Variants in INSC observed in about 807,000 individuals in gnomAD.
The protein encoded by INSC is INSC spindle orientation adaptor protein, also known as protein inscuteable homolog.
In INSC, 67 loss-of-function variants were observed where a neutral mutation model predicts 58.6. That is an observed-to-expected ratio of 1.14 (90% CI 0.94 to 1.40). The LOEUF (loss-of-function observed/expected upper bound fraction) is 1.40. Among genes scored for constraint, INSC ranks in the 40% most tolerant of loss-of-function variants. The probability of loss-of-function intolerance (pLI) is 0.00; values close to 1 mark genes in which losing one functional copy is unlikely to be tolerated. For missense variants in INSC, 714 were observed against 692.0 expected (o/e 1.03, Z -0.36); for synonymous variants, 262 against 276.1 (o/e 0.95, Z 0.51).
chr11:15,262,882 A>G, the INSC span, among the ~76,000 whole-genome samples: 1 of 152,006 alleles, frequency 6.6e-6, no homozygotes, highest in African/African-American at 2.4e-5. Context: ...GAGGAAAAAA[A>G]TCAGAAGAGC....
intron 1 of INSC, among the ~76,000 whole-genome samples, chr11:15,126,609 C>T (rs996235723): frequency 6.6e-6 from 1 of 152,202 alleles, no homozygotes; most frequent in Admixed American, 6.5e-5. Context: ...GTCTAAGGCA[C>T]TATAGAACAC....
At chr11:15,214,384 G>A (rs1173144706) in intron 7 of INSC, among the ~76,000 whole-genome samples, 1 of 152,126 alleles carries the variant, frequency 6.6e-6, no homozygotes, top group East Asian at 1.9e-4. Context: ...CTGTTTAATT[G>A]TTACAATCCA....
chr11:15,218,625 A>T (rs1589982623), intron 7 of INSC, among the ~76,000 whole-genome samples: 1 of 152,184 alleles, frequency 6.6e-6, no homozygotes, highest in East Asian at 1.9e-4. Flanking sequence ...AGTTACCAAA[A>T]GAGATCTGAA....
At chr11:15,210,548 G>A (rs189860546) in intron 7 of INSC, among the ~76,000 whole-genome samples, 87 of 101,008 alleles carry the variant, frequency 8.6e-4, no homozygotes, top group Middle Eastern at 4.9e-3. Context: ...TGTGTGTGTG[G>A]TGGAGTGGGA....
At chr11:15,201,243 C>A (rs1850579988) in intron 7 of INSC, among the ~76,000 whole-genome samples, 1 of 152,096 alleles carries the variant, frequency 6.6e-6, no homozygotes, top group Non-Finnish European at 1.5e-5. Context: ...TGGTAGGAGG[C>A]AGGCAAGTCA....
At chr11:15,193,539 C>T (rs147907464) in intron 6 of INSC, among the ~76,000 whole-genome samples, 3,965 of 152,218 alleles carry the variant, frequency 0.026, 71 homozygotes, top group East Asian at 0.056. Flanking sequence ...TGAGAACATG[C>T]GGTGTTGGTT....
At chr11:15,121,688 G>A (rs1323965191) in intron 1 of INSC, among the ~76,000 whole-genome samples, 2 of 152,008 alleles carry the variant, frequency 1.3e-5, no homozygotes, top group Non-Finnish European at 2.9e-5. Flanking sequence ...TGATCATTTT[G>A]AATCAATTAT....
At chr11:15,113,107 T>C (rs778633096), upstream of INSC, among the ~76,000 whole-genome samples, 1,133 of 139,980 alleles carry the variant, frequency 8.1e-3, 6 homozygotes, top group Middle Eastern at 0.018. Flanking sequence ...TCTTTCTTTC[T>C]TTTCTCTCTC....
chr11:15,242,708 T>G (rs1301115340), intron 12 of INSC, among the ~76,000 whole-genome samples: 1 of 152,168 alleles, frequency 6.6e-6, no homozygotes, highest in African/African-American at 2.4e-5. Context: ...CTTCCAAGCT[T>G]AGATCTAAAT....
intron 7 of INSC, among the ~76,000 whole-genome samples, chr11:15,215,904 C>G (rs1851199450): frequency 2.0e-5 from 3 of 152,116 alleles, no homozygotes; most frequent in Non-Finnish European, 4.4e-5. Context: ...GGAGGGAAAA[C>G]AGGGAAAATG....
At chr11:15,171,166 T>C (rs1849384149) in intron 2 of INSC, among the ~76,000 whole-genome samples, 1 of 152,114 alleles carries the variant, frequency 6.6e-6, no homozygotes, top group Non-Finnish European at 1.5e-5. Flanking sequence ...GGTTGGTTCT[T>C]TCCTTTCCAG....
chr11:15,242,937 A>T (rs1852413917), intron 12 of INSC, among the ~76,000 whole-genome samples: 1 of 152,160 alleles, frequency 6.6e-6, no homozygotes, highest in Non-Finnish European at 1.5e-5. Context: ...ATCTTGTTCC[A>T]AGCCATGCTC....
chr11:15,148,966 C>T (rs1278191977), intron 1 of INSC, 164 bp from the exon 2 acceptor site: 2 of 735,124 alleles, frequency 2.7e-6, no homozygotes, highest in African/African-American at 3.7e-5. Flanking sequence ...TTCTGCCTTA[C>T]TTGTGTGAGG....
intron 6 of INSC, among the ~76,000 whole-genome samples, chr11:15,196,405 T>C (rs1406647456): frequency 6.6e-6 from 1 of 152,242 alleles, no homozygotes; most frequent in Non-Finnish European, 1.5e-5. Flanking sequence ...TGTCCAGCTC[T>C]GGAGTAGGTG....
chr11:15,254,934 T>A, the INSC span, among the ~76,000 whole-genome samples: 1 of 152,228 alleles, frequency 6.6e-6, no homozygotes, highest in Non-Finnish European at 1.5e-5. Flanking sequence ...ACTATTACCA[T>A]AGTTGCCATT....
At chr11:15,223,069 G>T (rs966525981) in intron 8 of INSC, among the ~76,000 whole-genome samples, 3 of 152,202 alleles carry the variant, frequency 2.0e-5, no homozygotes, top group African/African-American at 7.2e-5. Flanking sequence ...AAGAATAAAG[G>T]TGTTTGAGTC....
At chr11:15,205,931 G>A (rs1335427487) in intron 7 of INSC, among the ~76,000 whole-genome samples, 1 of 152,146 alleles carries the variant, frequency 6.6e-6, no homozygotes, top group Non-Finnish European at 1.5e-5. Flanking sequence ...AGGGATGGAG[G>A]CAAGATGCCA....
intron 2 of INSC, among the ~76,000 whole-genome samples, chr11:15,160,104 G>GT (rs1029501991): frequency 6.6e-6 from 1 of 152,124 alleles, no homozygotes; most frequent in Non-Finnish European, 1.5e-5. Context: ...CATCATCTAG[G>GT]GGGTAAGGCA....
the INSC span, among the ~76,000 whole-genome samples, chr11:15,267,667 T>C: frequency 6.6e-6 from 1 of 151,998 alleles, no homozygotes; most frequent in Admixed American, 6.6e-5. Flanking sequence ...CTTGAAGATA[T>C]AGTGTATATT....
Sources: gnomAD v4.1 joint callset for allele counts (sites outside exome capture counted in the v4.1 genomes callset) on GRCh38, gnomAD v4.1.1 for gene constraint, MANE v1.5 for transcripts, NCBI Gene and HGNC (gene_info 2026-07-23, HGNC 2026-07-21) for gene names.